CLEC6A: variants seen among roughly 807,000 people sequenced by gnomAD.
The protein encoded by CLEC6A is C-type lectin domain family 6 member A.
In CLEC6A, 22 loss-of-function variants were observed where a neutral mutation model predicts 25.7. That is an observed-to-expected ratio of 0.85 (90% CI 0.61 to 1.22). CLEC6A has a LOEUF of 1.22. Ranked by LOEUF, CLEC6A falls within the 50% of genes most tolerant of loss-of-function variation. CLEC6A has a pLI of 0.00. For missense variants in CLEC6A, 240 were observed against 236.8 expected (o/e 1.01, Z -0.09); for synonymous variants, 92 against 76.7 (o/e 1.20, Z -1.04).
intron 2 of CLEC6A, among the ~76,000 whole-genome samples, chr12:8,459,066 C>A (rs999575653): frequency 6.6e-6 from 1 of 152,196 alleles, no homozygotes; most frequent in East Asian, 1.9e-4. Context: ...ATCAAAATAA[C>A]CTGTGTGCTT....
chr12:8,472,269 G>A (rs1939914547), intron 4 of CLEC6A, among the ~76,000 whole-genome samples: 2 of 152,016 alleles, frequency 1.3e-5, no homozygotes, highest in South Asian at 2.1e-4. Flanking sequence ...GCTTTACCTG[G>A]TGTCTATATG....
rs1334241354 is a variant in CLEC6A at position 8,477,338 on chromosome 12, GC to G, written c.507del (p.Asn170IlefsTer10). ...KNVRFWHLGE[P>X]NHSAEQCASI... ...CCTTTAGATTTTGGCACCTAGGTGA[GC>G]CCAATCATTCTGCAGAGCAATGTGC... On this transcript the variant is annotated frameshift_variant, in exon 6 of 6. Transcript: ENST00000382073. LOFTEE classifies it low-confidence loss of function (END_TRUNC). The G allele has an allele frequency of 2.4e-5, 39 of 1,610,508 alleles. No individual in the cohort carries two copies. The highest frequency in any genetic ancestry group is 3.0e-5 in the Non-Finnish European group (35 of 1,178,160).
Position 8,465,622 on chromosome 12 carries a change from C to A in CLEC6A, c.362C>A (p.Ala121Glu), listed in dbSNP as rs775413388. Residue 121 changes from alanine to glutamate, a missense_variant, in exon 4 of 6, where the codon GCA becomes GAA. Physicochemically the swap from Ala to Glu is moderately radical, Grantham distance 107. Coordinates refer to ENST00000382073, the MANE Select transcript of CLEC6A (RefSeq NM_001007033.2). The stretch of plus-strand genomic sequence containing the variant: ...CATTTGGTTGTGTTCAACACAGAAG[C>A]AGAGCAGGTACTGTTTCCATTTAAA... ...GAHLVVFNTE[A>E]EQNFIVQQLN... The A allele has an allele frequency of 1.2e-4, 186 of 1,611,498 alleles. 4 individuals are homozygous for A. In the South Asian group the frequency reaches 2.0e-3, roughly 17 times the overall value.
At chr12:8,475,113 A>G (rs773257563) in intron 4 of CLEC6A, among the ~76,000 whole-genome samples, 2 of 152,144 alleles carry the variant, frequency 1.3e-5, no homozygotes, top group South Asian at 4.2e-4. Flanking sequence ...GTTCCTACCT[A>G]TGAGTGAGAA....
At position 8,457,867 on chromosome 12, in the gene CLEC6A, A is replaced by C. The variant is rs750411523; in HGVS notation, c.32-31A>C. On this transcript the variant is annotated intron_variant, in intron 1 of 5. Coordinates refer to ENST00000382073, the MANE Select transcript of CLEC6A (RefSeq NM_001007033.2). ...GATTTTGGCTCCCTGGCCCCCTGGTAACTGCATTTGTTGTCTTCCTGATTG... is the reference window on the plus strand; with the variant it reads ...GATTTTGGCTCCCTGGCCCCCTGGTCACTGCATTTGTTGTCTTCCTGATTG... The C allele has an allele frequency of 2.6e-6, 4 of 1,555,432 alleles. No homozygotes were observed. The African/African-American group carries it at 5.4e-5, about 21-fold the overall frequency.
At chr12:8,461,185 G>T (rs1939749178) in intron 3 of CLEC6A, 7 of 1,131,486 alleles carry the variant, frequency 6.2e-6, no homozygotes, top group Non-Finnish European at 9.2e-6. Context: ...TTCTCATCTG[G>T]CAGATTGGAG....
chr12:8,465,210 A>G (rs1336163105), intron 3 of CLEC6A, among the ~76,000 whole-genome samples: 2 of 150,756 alleles, frequency 1.3e-5, no homozygotes, highest in African/African-American at 4.9e-5. Context: ...CTGATAATGT[A>G]TAAGGGACAT....
At position 8,457,747 on chromosome 12, in the gene CLEC6A, A is replaced by T. The variant is rs766141217; in HGVS notation, c.32-151A>T. 1.8e-5 allele frequency: 11 copies of T among 620,680 alleles called. No homozygotes were observed. In the South Asian group the frequency reaches 2.0e-4, roughly 11 times the overall value. 38.4% of individuals were successfully genotyped at this position (620,680 alleles called of 1,614,324 possible). A position where few individuals can be genotyped will look rare whatever the true frequency, so the allele number is the denominator to read the frequency against. ...CCACAGAGCTACTACCTGGTTATTT[A>T]TTCTGAGGGAGTTTGTAAGCTGTCT... On this transcript the variant is annotated intron_variant, in intron 1 of 5. Coordinates refer to ENST00000382073, the MANE Select transcript of CLEC6A (RefSeq NM_001007033.2).
chr12:8,461,166 T>C (rs1339894159), intron 3 of CLEC6A: 1 of 1,291,778 alleles, frequency 7.7e-7, no homozygotes, highest in Non-Finnish European at 1.1e-6. Flanking sequence ...TCCACCACAC[T>C]ATTTGTGGTT....
intron 4 of CLEC6A, among the ~76,000 whole-genome samples, 189 bp from the exon 5 acceptor site, chr12:8,475,936 A>G (rs777518523): frequency 6.6e-6 from 1 of 152,204 alleles, no homozygotes; most frequent in Non-Finnish European, 1.5e-5. Flanking sequence ...TTCCTGTATT[A>G]GGACTGTTTC....
chr12:8,461,150 A>G lies in CLEC6A; in HGVS notation c.223+1452A>G, dbSNP rs759954770. On this transcript the variant is annotated intron_variant, in intron 3 of 5. Coordinates refer to ENST00000382073, the MANE Select transcript of CLEC6A (RefSeq NM_001007033.2). ...AAGAGCCGTGGCCTTGGAAAGGGCC[A>G]TAAGTTCCACCACACTATTTGTGGT... is the stretch of plus-strand genomic sequence containing the variant. 152 of 1,465,502 alleles carry G rather than the reference A, an allele frequency of 1.0e-4. 1 individual carries two copies. In the East Asian group the frequency reaches 1.8e-3, roughly 17 times the overall value. 90.8% of individuals were successfully genotyped at this position (1,465,502 alleles called of 1,614,324 possible). A position where few individuals can be genotyped will look rare whatever the true frequency, so the allele number is the denominator to read the frequency against.
intron 3 of CLEC6A, chr12:8,461,331 A>G: frequency 2.0e-6 from 1 of 500,958 alleles, no homozygotes; most frequent in Non-Finnish European, 3.6e-6. Flanking sequence ...AGTAAAGTGC[A>G]TAGTTTTCTT....
Position 8,457,158 on chromosome 12 carries a change from C to T in CLEC6A, c.32-740C>T, listed in dbSNP as rs1939687694. ...AGTTATCCTGCTGTGCTAAGGGACA[C>T]TAGATTTTATTTCTTCTAGCTAATT... is the stretch of plus-strand genomic sequence containing the variant. On this transcript the variant is annotated intron_variant, in intron 1 of 5. Transcript: ENST00000382073. Among the ~76,000 whole-genome samples the T allele has an allele frequency of 2.6e-5, 4 of 152,110 alleles. No individual in the cohort carries two copies. In the South Asian group the frequency reaches 8.3e-4, roughly 32 times the overall value.
chr12:8,462,921 T>C (rs957891187), intron 3 of CLEC6A, among the ~76,000 whole-genome samples: 2 of 151,858 alleles, frequency 1.3e-5, no homozygotes, highest in East Asian at 1.9e-4. Flanking sequence ...CAGATTTTTA[T>C]CATGCTATAG....
intron 3 of CLEC6A, among the ~76,000 whole-genome samples, chr12:8,464,364 C>G (rs181761205): frequency 1.2e-3 from 176 of 150,804 alleles, no homozygotes; most frequent in African/African-American, 4.2e-3. Context: ...GAGTCTCTCT[C>G]TGTCGCCCAG....
chr12:8,472,450 A>G (rs992748246), intron 4 of CLEC6A, among the ~76,000 whole-genome samples: 2 of 152,004 alleles, frequency 1.3e-5, no homozygotes, highest in Admixed American at 6.6e-5. Flanking sequence ...TGCATGTTTC[A>G]CTCTTCTCTT....
rs760895819 is a variant in CLEC6A, at chr12:8,457,204, C to A, written c.32-694C>A. 3.9e-5 allele frequency among the ~76,000 whole-genome samples: 6 copies of A among 152,186 alleles called. No individual in the cohort carries two copies. In the South Asian group the frequency reaches 8.3e-4, roughly 21 times the overall value. Reference sequence around the variant, plus strand: ...TAATTGTATTTTTGTAGGTACGAAACAACCCTTCTCTATCTTCTCTTCCCA... The same window carrying A: ...TAATTGTATTTTTGTAGGTACGAAAAAACCCTTCTCTATCTTCTCTTCCCA... On this transcript the variant is annotated intron_variant, in intron 1 of 5. Transcript: ENST00000382073.
intron 1 of CLEC6A, 111 bp from the exon 2 acceptor site, chr12:8,457,787 T>A (rs1305747523): frequency 1.1e-5 from 8 of 743,660 alleles, no homozygotes; most frequent in Non-Finnish European, 1.9e-5. Flanking sequence ...GCTTTAAGTT[T>A]TTAACTGCTC....
chr12:8,461,093 G>A (rs1939747861), intron 3 of CLEC6A: 1 of 1,596,036 alleles, frequency 6.3e-7, no homozygotes, highest in East Asian at 2.2e-5. Flanking sequence ...CACAAGCACA[G>A]GGAGATGTGT....
Sources: gnomAD v4.1 joint callset for allele counts (sites outside exome capture counted in the v4.1 genomes callset) on GRCh38, gnomAD v4.1.1 for gene constraint, MANE v1.5 for transcripts, NCBI Gene and HGNC (gene_info 2026-07-23, HGNC 2026-07-21) for gene names.